Variants in IPO4 observed in about 807,000 individuals in gnomAD.
IPO4 encodes importin-4.
A neutral mutation model predicts 133.5 loss-of-function variants in IPO4; 91 were observed. That is an observed-to-expected ratio of 0.68 (90% CI 0.58 to 0.81). IPO4 has a LOEUF of 0.81. Ranked by LOEUF, IPO4 falls within the 30% of genes least tolerant of loss-of-function variation. IPO4 has a pLI of 0.00. For missense variants in IPO4, 1,279 were observed against 1,386.2 expected, an observed-to-expected ratio of 0.92 and a Z score of 1.23; for synonymous variants, 607 against 581.6, an observed-to-expected ratio of 1.04 and a Z score of -0.63.
chr14:24,182,699 C>A, intron 24 of IPO4, 93 bp downstream of exon 24: 1 of 1,416,512 alleles, frequency 7.1e-7, no homozygotes, highest in East Asian at 2.3e-5. Flanking sequence ...GTGGCCCTGG[C>A]TGCCCCAGGC....
chr14:24,187,281 C>T, intron 6 of IPO4, 119 bp downstream of exon 6: 2 of 1,468,858 alleles, frequency 1.4e-6, no homozygotes, highest in Non-Finnish European at 1.9e-6. Context: ...CATCCCCTCT[C>T]AATTGTCAGG....
chr14:24,184,251 C>G, intron 17 of IPO4, 47 bp downstream of exon 17: 1 of 1,569,192 alleles, frequency 6.4e-7, no homozygotes, highest in Non-Finnish European at 8.6e-7. Flanking sequence ...AGTGGGAAGA[C>G]AGGAGGGGAG....
intron 14 of IPO4, 52 bp from the exon 15 acceptor site, chr14:24,185,032 G>A (rs374848790): frequency 3.2e-4 from 514 of 1,589,960 alleles, no homozygotes; most frequent in Non-Finnish European, 4.1e-4. Context: ...CTACCTGCAC[G>A]CCCACCTCCC....
chr14:24,188,528 G>A (rs1440583509), intron 2 of IPO4, 24 bp downstream of exon 2: 1 of 1,609,578 alleles, frequency 6.2e-7, no homozygotes, highest in Non-Finnish European at 8.5e-7. Flanking sequence ...TGGGAAGCTC[G>A]GAGGGGAGAG....
In IPO4 at chr14:24,187,666, C is replaced by A; in HGVS notation, c.408+1G>T. 1 of 1,613,964 alleles carries A rather than the reference C, an allele frequency of 6.2e-7. No individual in the cohort carries two copies. The highest frequency in any genetic ancestry group is 1.3e-5 in the African/African-American group (1 of 75,050). ...CCCTCCTGCCAACCATGTGATGGTA[C>A]CTCTCTCTCTGGGCTGTGGGGGCTG... On this transcript the variant is annotated splice_donor_variant, in intron 5 of 29. Transcript: ENST00000354464. LOFTEE classifies it high-confidence loss of function.
At chr14:24,183,387 C>T (rs2039170342) in intron 21 of IPO4, 32 bp from the exon 22 acceptor site, 4 of 1,594,810 alleles carry the variant, frequency 2.5e-6, no homozygotes, top group Non-Finnish European at 3.4e-6. Context: ...GATATGTCTG[C>T]TATGTGCACC....
rs370673631 is a variant in IPO4 at position 24,186,243 on chromosome 14, C to T, written c.1005+44G>A. 8.1e-6 allele frequency: 13 copies of T among 1,606,772 alleles called. No homozygotes were observed. The African/African-American group carries it at 1.1e-4, about 13-fold the overall frequency. ...CCATCTCTGCCTCCCCAACGTCCCA[C>T]AGCCACCTAACACCTTCCCCCTCTG... On this transcript the variant is annotated intron_variant, in intron 10 of 29. Coordinates refer to ENST00000354464, the MANE Select transcript of IPO4 (RefSeq NM_024658.4).
rs765578935 is a variant in IPO4 at position 24,181,778 on chromosome 14, C to T, written c.2873G>A (p.Arg958His). Residue 958 changes from arginine to histidine, a missense_variant, in exon 27 of 30, where the codon CGT becomes CAT. Coordinates refer to ENST00000354464, the MANE Select transcript of IPO4 (RefSeq NM_024658.4). ...GGCAAGTGCCCCACAGATGTTGTCA[C>T]GGACACGATCATGTCGCTCCCGCGC... is the stretch of plus-strand genomic sequence containing the variant. The part of the protein sequence containing the change: ...LLARERHDRV[R>H]DNICGALARL... 9.4e-6 allele frequency: 15 copies of T among 1,601,762 alleles called. No homozygotes were observed. Among genetic ancestry groups the T allele is most frequent in the East Asian group, 4.5e-5 (2 of 44,720 alleles).
At chr14:24,188,193 G>A (rs777175617) in intron 4 of IPO4, 23 bp downstream of exon 4, 1 of 1,610,244 alleles carries the variant, frequency 6.2e-7, no homozygotes, top group South Asian at 1.1e-5. Flanking sequence ...TCAAGATCCC[G>A]AGAGAAGTGG....
chr14:24,180,434 C>T lies in IPO4; in HGVS notation c.*8G>A, dbSNP rs2039112525. On this transcript the variant is annotated 3_prime_UTR_variant, in exon 30 of 30. Coordinates refer to ENST00000354464, the MANE Select transcript of IPO4 (RefSeq NM_024658.4). Reference sequence around the variant, plus strand: ...TCTATTCTCTCTGGACTGGCTGCAGCCTGCAGTCTAGGAGAGGCCCAGTAC... The same window carrying T: ...TCTATTCTCTCTGGACTGGCTGCAGTCTGCAGTCTAGGAGAGGCCCAGTAC... 1.9e-6 allele frequency: 3 copies of T among 1,603,026 alleles called. No individual in the cohort carries two copies. In the South Asian group the frequency reaches 3.3e-5, roughly 18 times the overall value.
Position 24,180,301 on chromosome 14 carries a change from C to A in IPO4, c.*141G>T, listed in dbSNP as rs1051791051. 7 of 1,508,304 alleles carry A rather than the reference C, an allele frequency of 4.6e-6. No homozygotes were observed. The highest frequency in any genetic ancestry group is 6.2e-6 in the Non-Finnish European group (7 of 1,122,112). 93.4% of individuals were successfully genotyped at this position (1,508,304 alleles called of 1,614,324 possible). A position where few individuals can be genotyped will look rare whatever the true frequency, so the allele number is the denominator to read the frequency against. On this transcript the variant is annotated 3_prime_UTR_variant, in exon 30 of 30. Transcript: ENST00000354464. ...GTAACAGATCCAGCCTCAGGGACAG[C>A]CCTGTAAGGCAGCAAGTGGGGCTGG...
At chr14:24,181,434 C>G (rs1462680434) in intron 28 of IPO4, 79 bp downstream of exon 28, 2 of 1,224,166 alleles carry the variant, frequency 1.6e-6, no homozygotes, top group African/African-American at 3.0e-5. Flanking sequence ...CTGGAGCTCC[C>G]GAGCCTCATC....
rs755371789 is a variant in IPO4, at chr14:24,188,805, C to G, written c.-18G>C. On this transcript the variant is annotated 5_prime_UTR_variant, in exon 1 of 30. Coordinates refer to ENST00000354464, the MANE Select transcript of IPO4 (RefSeq NM_024658.4). ...GACTCCATGGCAGCAACTGAGCCGC[C>G]GCTACTGGGCCGAAAAGGGGAGGGG... is the stretch of plus-strand genomic sequence containing the variant. The G allele has an allele frequency of 6.7e-6, 10 of 1,486,952 alleles. No individual in the cohort carries two copies. In the Admixed American group the frequency reaches 9.8e-5, roughly 15 times the overall value. The allele number at this position is 1,486,952 out of a possible 1,614,324, so 92.1% of individuals were successfully genotyped here. A position where few individuals can be genotyped will look rare whatever the true frequency, so the allele number is the denominator to read the frequency against.
At position 24,188,743 on chromosome 14, in the gene IPO4, T is replaced by C; in HGVS notation, c.45A>G (p.Leu15=). The change falls in exon 1 of 30, where the codon CTA becomes CTG. Residue 15 remains leucine, a synonymous_variant. Coordinates refer to ENST00000354464, the MANE Select transcript of IPO4 (RefSeq NM_024658.4). ...CCCGACGGATGCGCTCGGTGTCCGG[T>C]AGCAGCAGCTCCCGTAGGAGCTGCT... ...GLEQLLRELL[L]PDTERIRRAT... is the part of the protein sequence containing the mutation. 4.5e-6 allele frequency: 7 copies of C among 1,547,860 alleles called. No individual in the cohort carries two copies. The South Asian group carries it at 4.9e-5, about 11-fold the overall frequency.
chr14:24,186,642 C>T (rs1208810643), intron 9 of IPO4, 66 bp downstream of exon 9: 13 of 1,480,832 alleles, frequency 8.8e-6, no homozygotes, highest in Non-Finnish European at 1.1e-5. Flanking sequence ...GGACCGAAAG[C>T]CCCAGGAGTG....
At chr14:24,182,903 G>A (rs1289027936) in intron 23 of IPO4, 61 bp from the exon 24 acceptor site, 7 of 1,612,980 alleles carry the variant, frequency 4.3e-6, no homozygotes, top group Non-Finnish European at 5.9e-6. Flanking sequence ...ATGGGGGTAG[G>A]GGGTGGACTT....
intron 9 of IPO4, 28 bp from the exon 10 acceptor site, chr14:24,186,479 C>G (rs375575506): frequency 7.8e-6 from 12 of 1,542,368 alleles, no homozygotes; most frequent in Non-Finnish European, 8.7e-6. Context: ...AACAGTGTCC[C>G]TAAGAATCTG....
chr14:24,184,570 G>A (rs978362265), intron 16 of IPO4, 80 bp downstream of exon 16: 2 of 1,409,048 alleles, frequency 1.4e-6, no homozygotes, highest in African/African-American at 1.4e-5. Flanking sequence ...CCGTGCTCCT[G>A]TGGGGGCAAT....
chr14:24,183,426 C>T (rs2039171223), intron 21 of IPO4, 30 bp downstream of exon 21: 1 of 1,600,520 alleles, frequency 6.2e-7, no homozygotes, highest in Non-Finnish European at 8.5e-7. Context: ...GCCTGAGAAC[C>T]CCACCCACTC....
Sources: gnomAD v4.1 joint callset for allele counts on GRCh38, gnomAD v4.1.1 for gene constraint, MANE v1.5 for transcripts, NCBI Gene and HGNC (gene_info 2026-07-23, HGNC 2026-07-21) for gene names.